Variants in DSCAM observed in about 807,000 individuals in gnomAD.
The protein encoded by DSCAM is DS cell adhesion molecule.
In DSCAM, 47 loss-of-function variants were observed where a neutral mutation model predicts 217.7. The observed-to-expected ratio is 0.22, with a 90% CI of 0.17 to 0.28. DSCAM has a LOEUF of 0.28. Ranked by LOEUF, DSCAM falls within the 10% of genes least tolerant of loss-of-function variation. DSCAM has a pLI of 1.00. For missense variants in DSCAM, 2,080 were observed against 2,618.3 expected (o/e 0.79, Z 4.49); for synonymous variants, 1,056 against 1,015.3 (o/e 1.04, Z -0.76).
chr21:40,178,195 C>A (rs909885676), intron 15 of DSCAM, among the ~76,000 whole-genome samples: 2 of 152,134 alleles, frequency 1.3e-5, no homozygotes, highest in Non-Finnish European at 2.9e-5. Flanking sequence ...TTAATTTCAC[C>A]CCCCCGGAAA....
At chr21:40,739,954 ATTTTTTTTTTTTT>A (rs56815777) in intron 1 of DSCAM, among the ~76,000 whole-genome samples, 25 of 58,984 alleles carry the variant, frequency 4.2e-4, no homozygotes, top group South Asian at 8.9e-4. Flanking sequence ...TGCAGGTGTA[ATTTTTTTTTTTTT>A]TTTTTTTTTT....
At chr21:40,169,223 G>A (rs987551950) in intron 15 of DSCAM, among the ~76,000 whole-genome samples, 6 of 152,140 alleles carry the variant, frequency 3.9e-5, no homozygotes, top group African/African-American at 1.4e-4. Context: ...GGGAAGCCAG[G>A]TGAGGGCAGA....
intron 1 of DSCAM, among the ~76,000 whole-genome samples, chr21:40,751,533 C>T (rs559108286): frequency 4.1e-4 from 62 of 152,310 alleles, no homozygotes; most frequent in African/African-American, 1.4e-3. Context: ...GAGAACAAAG[C>T]TAGTCCCAGA....
chr21:40,765,815 C>G (rs1367256128), intron 1 of DSCAM, among the ~76,000 whole-genome samples: 1 of 152,198 alleles, frequency 6.6e-6, no homozygotes, highest in Non-Finnish European at 1.5e-5. Context: ...TGCCTGTTAT[C>G]AACAGCCGCA....
chr21:40,597,026 T>C (rs1419912944), intron 3 of DSCAM, among the ~76,000 whole-genome samples: 1 of 152,242 alleles, frequency 6.6e-6, no homozygotes, highest in African/African-American at 2.4e-5. Flanking sequence ...TATAAACTCA[T>C]TTGTAATTAA....
At chr21:40,725,568 C>A (rs1445636734) in intron 1 of DSCAM, among the ~76,000 whole-genome samples, 1 of 152,250 alleles carries the variant, frequency 6.6e-6, no homozygotes, top group Non-Finnish European at 1.5e-5. Context: ...ACCTTGAATG[C>A]AGCAAAGGGG....
chr21:40,536,482 A>G (rs1228322522), intron 3 of DSCAM, among the ~76,000 whole-genome samples: 3 of 151,154 alleles, frequency 2.0e-5, no homozygotes, highest in Admixed American at 6.6e-5. Context: ...GCTCACTGCA[A>G]GCTCCGCCTC....
At chr21:40,519,958 A>C (rs905389537) in intron 3 of DSCAM, among the ~76,000 whole-genome samples, 1 of 152,064 alleles carries the variant, frequency 6.6e-6, no homozygotes, top group Non-Finnish European at 1.5e-5. Flanking sequence ...TCAAATCATA[A>C]AACACATGAC....
At chr21:40,744,205 G>A (rs1601201384) in intron 1 of DSCAM, among the ~76,000 whole-genome samples, 1 of 152,300 alleles carries the variant, frequency 6.6e-6, no homozygotes, top group East Asian at 1.9e-4. Context: ...CACTGCACAG[G>A]AACCCCTGGG....
chr21:40,822,988 A>G (rs549276889), intron 1 of DSCAM, among the ~76,000 whole-genome samples: 59 of 152,194 alleles, frequency 3.9e-4, no homozygotes, highest in African/African-American at 1.4e-3. Context: ...CGTCTCTACT[A>G]AAAATACAAA....
chr21:40,250,503 G>A (rs1163112696), intron 11 of DSCAM, among the ~76,000 whole-genome samples: 1 of 152,194 alleles, frequency 6.6e-6, no homozygotes, highest in African/African-American at 2.4e-5. Context: ...TTAAACAGTT[G>A]TGATAGATGG....
chr21:40,028,699 T>C (rs897223006), intron 32 of DSCAM, among the ~76,000 whole-genome samples: 6 of 152,208 alleles, frequency 3.9e-5, no homozygotes, highest in Non-Finnish European at 8.8e-5. Flanking sequence ...TGCCTCGCTC[T>C]GCTTCGGCTC....
chr21:40,093,129 G>A (rs576085193), intron 21 of DSCAM, among the ~76,000 whole-genome samples: 7 of 152,270 alleles, frequency 4.6e-5, no homozygotes, highest in African/African-American at 1.7e-4. Context: ...TGGAAACACT[G>A]GATGGCCGTG....
intron 3 of DSCAM, among the ~76,000 whole-genome samples, chr21:40,494,336 T>C (rs1450679314): frequency 6.6e-6 from 1 of 152,192 alleles, no homozygotes; most frequent in African/African-American, 2.4e-5. Flanking sequence ...AGGACATGCA[T>C]AGACTGAAAG....
chr21:40,481,150 C>T (rs1175317494), intron 3 of DSCAM, among the ~76,000 whole-genome samples: 2 of 152,068 alleles, frequency 1.3e-5, no homozygotes, highest in African/African-American at 4.8e-5. Flanking sequence ...ATTCATTTTT[C>T]CCCCAACAGA....
intron 20 of DSCAM, among the ~76,000 whole-genome samples, chr21:40,095,420 T>C (rs2089663468): frequency 6.6e-6 from 1 of 152,188 alleles, no homozygotes; most frequent in Admixed American, 6.5e-5. Context: ...CTTGAAAACA[T>C]TATGCTAAGT....
intron 3 of DSCAM, among the ~76,000 whole-genome samples, chr21:40,493,269 C>G (rs1435482086): frequency 1.3e-5 from 2 of 151,772 alleles, no homozygotes; most frequent in Non-Finnish European, 2.9e-5. Flanking sequence ...AAAAATTGTC[C>G]CAGGAAAACA....
chr21:40,205,524 AC>A (rs1227252851), intron 11 of DSCAM, among the ~76,000 whole-genome samples: 1 of 150,566 alleles, frequency 6.6e-6, no homozygotes, highest in African/African-American at 2.5e-5. Context: ...AATCGCTTAA[AC>A]CCGGGAGATG....
rs147327005 is a variant in DSCAM, at chr21:40,403,946, T to C, written c.509-34701A>G. Among the ~76,000 whole-genome samples the C allele has an allele frequency of 5.9e-5, 9 of 152,310 alleles. No individual in the cohort carries two copies. In the East Asian group the frequency reaches 1.5e-3, roughly 26 times the overall value. ...GTTTCCAAATCATTCATCATCATCA[T>C]GATCACCATCATGGCTACAACTTAC... On this transcript the variant is annotated intron_variant, in intron 3 of 32. Transcript: ENST00000400454.
Sources: gnomAD v4.1 joint callset for allele counts (sites outside exome capture counted in the v4.1 genomes callset) on GRCh38, gnomAD v4.1.1 for gene constraint, MANE v1.5 for transcripts, NCBI Gene and HGNC (gene_info 2026-07-23, HGNC 2026-07-21) for gene names.